Variants in PPEF2 observed in about 807,000 individuals in gnomAD.
PPEF2 encodes the protein protein phosphatase with EF-hand domain 2, also known as serine/threonine-protein phosphatase with EF-hands 2.
Under a neutral mutation model 84.7 loss-of-function variants are expected in PPEF2, and 84 were observed. That is an observed-to-expected ratio of 0.99 (90% CI 0.83 to 1.19). The LOEUF (loss-of-function observed/expected upper bound fraction) is 1.19. PPEF2 is among the 50% of genes most tolerant of loss of function. The pLI, the probability that PPEF2 is intolerant of heterozygous loss-of-function variation, is 0.00. For missense variants in PPEF2, 924 were observed against 937.5 expected, an observed-to-expected ratio of 0.99 and a Z score of 0.19; for synonymous variants, 346 against 345.2, an observed-to-expected ratio of 1.00 and a Z score of -0.03.
intron 11 of PPEF2, among the ~76,000 whole-genome samples, chr4:75,874,789 G>A (rs1724366966): frequency 6.6e-6 from 1 of 152,040 alleles, no homozygotes. Context: ...CTCTTTCTCC[G>A]AGGCTTCTAG....
At chr4:75,888,833 T>A (rs933089050) in intron 5 of PPEF2, among the ~76,000 whole-genome samples, 1 of 152,242 alleles carries the variant, frequency 6.6e-6, no homozygotes, top group African/African-American at 2.4e-5. Context: ...GCTTGGACGA[T>A]TGCAGTAGTC....
chr4:75,883,006 C>A lies in PPEF2; in HGVS notation c.853G>T (p.Asp285Tyr). 6.2e-7 allele frequency: 1 copy of A among 1,614,158 alleles called. No individual in the cohort carries two copies. The highest frequency in any genetic ancestry group is 8.5e-7 in the Non-Finnish European group (1 of 1,180,010). ...FCWLPLATLI[D>Y]EKVLILHGGV... ...CCATGAAGAATTAGAACTTTCTCAT[C>A]TATCAGAGTGGCCAGTGGAAGCCAA... The change falls in exon 10 of 17, where the codon GAT becomes TAT. Residue 285 changes from aspartate (D) to tyrosine (Y), a missense_variant. Asp to Tyr is a radical substitution (Grantham distance 160). Coordinates refer to ENST00000286719, the MANE Select transcript of PPEF2 (RefSeq NM_006239.3).
chr4:75,901,380 G>T (rs776124059), intron 1 of PPEF2, among the ~76,000 whole-genome samples: 5 of 152,136 alleles, frequency 3.3e-5, no homozygotes, highest in Non-Finnish European at 5.9e-5. Context: ...GCTGGGCATG[G>T]TGGCACATGC....
Position 75,890,094 on chromosome 4 carries a change from C to A in PPEF2, c.280G>T (p.Ala94Ser), listed in dbSNP as rs867799360. 6.2e-7 allele frequency: 1 copy of A among 1,613,832 alleles called. No homozygotes were observed. Among genetic ancestry groups the A allele is most frequent in the African/African-American group, 1.3e-5 (1 of 74,826 alleles). Residue 94 changes from alanine to serine, a missense_variant, in exon 5 of 17, where the codon GCC becomes TCC. Physicochemically the swap from Ala to Ser is moderately conservative, Grantham distance 99. Transcript: ENST00000286719. ...CATTTCTTCATCTCGGAGTCCTGGG[C>A]GAATCTGTCCTCAGTGAATATGCGG... ...LTRIFTEDRF[A>S]QDSEMKKCSD...
intron 10 of PPEF2, among the ~76,000 whole-genome samples, chr4:75,879,022 C>T (rs1724499155): frequency 6.6e-6 from 1 of 152,190 alleles, no homozygotes; most frequent in Non-Finnish European, 1.5e-5. Context: ...CCCATTCACA[C>T]ACATTCCTCT....
intron 2 of PPEF2, among the ~76,000 whole-genome samples, chr4:75,894,018 C>T (rs907039754): frequency 6.6e-6 from 1 of 152,142 alleles, no homozygotes; most frequent in Non-Finnish European, 1.5e-5. Flanking sequence ...GTATAGGCCC[C>T]TCTTACTTGG....
At chr4:75,884,314 G>A (rs1724662919) in intron 8 of PPEF2, among the ~76,000 whole-genome samples, 1 of 151,786 alleles carries the variant, frequency 6.6e-6, no homozygotes, top group Non-Finnish European at 1.5e-5. Flanking sequence ...TGTAATCCTG[G>A]CTACTCGGGA....
rs563782510 is a variant in PPEF2, at chr4:75,902,337, G to C, written c.-166C>G. The C allele has an allele frequency of 6.6e-6, 1 of 152,314 alleles. No homozygotes were observed. Among genetic ancestry groups the C allele is most frequent in the East Asian group, 1.9e-4 (1 of 5,182 alleles). 9.4% of individuals were successfully genotyped at this position (152,314 alleles called of 1,614,324 possible). On this transcript the variant is annotated 5_prime_UTR_variant, in exon 1 of 17. Transcript: ENST00000286719. ...CTTCAGAGTTGGCTGAGGGATCCCA[G>C]GCTGATCTGATTTCTTTCAGACCTA...
At chr4:75,898,135 T>G (rs530741323) in intron 1 of PPEF2, among the ~76,000 whole-genome samples, 1 of 152,374 alleles carries the variant, frequency 6.6e-6, no homozygotes, top group South Asian at 2.1e-4. Flanking sequence ...TGCTATTGTT[T>G]GTGGCCTAAG....
intron 10 of PPEF2, among the ~76,000 whole-genome samples, chr4:75,877,685 A>G (rs1225053117): frequency 4.0e-5 from 6 of 148,498 alleles, no homozygotes; most frequent in Admixed American, 1.3e-4. Context: ...TTTTTTTTTT[A>G]ACTTTTATTT....
chr4:75,865,157 G>A (rs1453974704), intron 15 of PPEF2, among the ~76,000 whole-genome samples: 2 of 152,090 alleles, frequency 1.3e-5, no homozygotes, highest in Admixed American at 6.6e-5. Flanking sequence ...GGCTAGTCTC[G>A]AACTTCCGAC....
At chr4:75,880,933 G>C (rs1724554803) in intron 10 of PPEF2, among the ~76,000 whole-genome samples, 1 of 151,402 alleles carries the variant, frequency 6.6e-6, no homozygotes, top group East Asian at 2.0e-4. Context: ...CTGAGTAGCT[G>C]GGACTACAGG....
chr4:75,866,119 C>A, intron 15 of PPEF2, 70 bp downstream of exon 15: 1 of 1,434,220 alleles, frequency 7.0e-7, no homozygotes, highest in Non-Finnish European at 9.3e-7. Flanking sequence ...TTGGTTGTTT[C>A]TGAATCAAAT....
Position 75,888,201 on chromosome 4 carries a change from G to A in PPEF2, c.532+13C>T. 1 of 1,577,950 alleles carries A rather than the reference G, an allele frequency of 6.3e-7. No homozygotes were observed. Among genetic ancestry groups the A allele is most frequent in the Non-Finnish European group, 8.7e-7 (1 of 1,147,380 alleles). On this transcript the variant is annotated intron_variant, in intron 6 of 16. Coordinates refer to ENST00000286719, the MANE Select transcript of PPEF2 (RefSeq NM_006239.3). ...GTGTGCAGCATGGAAAGCCGTTTCT[G>A]ACCAGCTCTTACCACACACTGTGAT...
intron 13 of PPEF2, among the ~76,000 whole-genome samples, chr4:75,867,839 A>G (rs896473440): frequency 4.6e-5 from 7 of 152,204 alleles, no homozygotes; most frequent in Non-Finnish European, 4.4e-5. Flanking sequence ...ATCTATTATC[A>G]CAACTGTTGT....
intron 7 of PPEF2, 121 bp from the exon 8 acceptor site, chr4:75,884,881 C>T: frequency 1.2e-6 from 1 of 810,822 alleles, no homozygotes; most frequent in East Asian, 2.6e-5. Flanking sequence ...CTTTCTAGGT[C>T]TCCTCCAAGC....
At chr4:75,891,612 G>T in intron 4 of PPEF2, 36 bp downstream of exon 4, 2 of 1,573,252 alleles carry the variant, frequency 1.3e-6, no homozygotes, top group Non-Finnish European at 1.7e-6. Context: ...ATGGCCTTGC[G>T]ACAGGAGGAC....
At chr4:75,894,243 C>T (rs1241253409) in intron 2 of PPEF2, among the ~76,000 whole-genome samples, 1 of 151,966 alleles carries the variant, frequency 6.6e-6, no homozygotes, top group Non-Finnish European at 1.5e-5. Context: ...ATTTATGTCT[C>T]TATATACAAC....
At position 75,866,321 on chromosome 4, in the gene PPEF2, C is replaced by T. The variant is rs760353170; in HGVS notation, c.1788G>A (p.Ala596=). ...GLITLSDWAA[A]VESVLHLGLP... ...GTCCTAGGTGCAACACAGACTCCAC[C>T]GCTGCTGCCCAGTCACTCAAGGTGA... Residue 596 remains alanine (A), a synonymous_variant, in exon 15 of 17, where the codon GCG becomes GCA. Transcript: ENST00000286719. 10 of 1,613,854 alleles carry T rather than the reference C, an allele frequency of 6.2e-6. No homozygotes were observed. The highest frequency in any genetic ancestry group is 4.5e-5 in the East Asian group (2 of 44,880).
Sources: allele counts gnomAD v4.1 joint callset (sites outside exome capture counted in the v4.1 genomes callset), GRCh38; gene constraint gnomAD v4.1.1; transcripts MANE v1.5; gene names NCBI Gene and HGNC (gene_info 2026-07-23, HGNC 2026-07-21).